Variants in EHMT1 observed in about 807,000 individuals in gnomAD.
The protein encoded by EHMT1 is euchromatic histone lysine methyltransferase 1, also known as histone-lysine N-methyltransferase EHMT1.
EHMT1 carries 15 observed loss-of-function variants against 147.2 expected under a neutral mutation model. That is an observed-to-expected ratio of 0.10 (90% CI 0.07 to 0.16). EHMT1 has a LOEUF of 0.16. Ranked by LOEUF, EHMT1 falls within the 10% of genes least tolerant of loss-of-function variation. EHMT1 has a pLI of 1.00. For missense variants in EHMT1, 1,587 were observed against 1,772.4 expected (o/e 0.90, Z 1.88); for synonymous variants, 795 against 709.6 (o/e 1.12, Z -1.91).
chr9:137,802,855 A>C, intron 18 of EHMT1: 1 of 1,232,052 alleles, frequency 8.1e-7, no homozygotes, highest in Non-Finnish European at 1.0e-6. Context: ...ACTGCGGGTT[A>C]GGATGACGGC....
chr9:137,649,754 G>C (rs144113277), intron 1 of EHMT1, among the ~76,000 whole-genome samples: 1 of 152,200 alleles, frequency 6.6e-6, no homozygotes, highest in Non-Finnish European at 1.5e-5. Flanking sequence ...AAGAGGCAAG[G>C]AAGTGCTCTT....
chr9:137,719,708 G>A (rs546388163), intron 3 of EHMT1, among the ~76,000 whole-genome samples: 2 of 152,324 alleles, frequency 1.3e-5, no homozygotes, highest in African/African-American at 4.8e-5. Flanking sequence ...GGTAAAGTCC[G>A]TGGGGCTTAC....
intron 10 of EHMT1, among the ~76,000 whole-genome samples, chr9:137,774,470 C>T (rs1441510261): frequency 2.9e-4 from 38 of 130,290 alleles, no homozygotes; most frequent in African/African-American, 1.1e-3. Flanking sequence ...GGTGTGGGCA[C>T]GCCTGCCCCC....
chr9:137,777,940 C>T lies in EHMT1; in HGVS notation c.2077C>T (p.Pro693Ser), dbSNP rs765174338. The T allele has an allele frequency of 6.8e-6, 11 of 1,613,744 alleles. No individual in the cohort carries two copies. The East Asian group carries it at 2.2e-4, about 33-fold the overall frequency. ...DKLQGAASHV[P>S]EGFDPTGPAG... ...GCTGCAGGGTGCAGCCTCCCACGTG[C>T]CCGAGGGCTTTGATCCAACGGGACC... Residue 693 changes from proline to serine, a missense_variant, in exon 13 of 27, where the codon CCC (proline) becomes TCC (serine). This residue lies in a region of EHMT1 where 77 missense variants were observed against 79.3 expected (regional missense o/e 0.97). Coordinates refer to ENST00000460843, the MANE Select transcript of EHMT1 (RefSeq NM_024757.5).
chr9:137,815,827 G>A, intron 22 of EHMT1, 120 bp from the exon 23 acceptor site: 2 of 886,782 alleles, frequency 2.3e-6, no homozygotes, highest in South Asian at 2.8e-5. Flanking sequence ...AGTTTGGCCA[G>A]AAACCATCGT....
intron 1 of EHMT1, among the ~76,000 whole-genome samples, chr9:137,677,009 A>G (rs1411757184): frequency 1.3e-5 from 2 of 152,048 alleles, no homozygotes; most frequent in Non-Finnish European, 2.9e-5. Flanking sequence ...TGAACTAAGG[A>G]GCAAAATTCT....
At chr9:137,739,948 A>G (rs1947907154) in intron 4 of EHMT1, among the ~76,000 whole-genome samples, 1 of 152,136 alleles carries the variant, frequency 6.6e-6, no homozygotes, top group Non-Finnish European at 1.5e-5. Context: ...GCCTGGACAT[A>G]GAGCTGGGCC....
At chr9:137,798,226 C>T (rs1271339752) in intron 16 of EHMT1, among the ~76,000 whole-genome samples, 2 of 152,034 alleles carry the variant, frequency 1.3e-5, no homozygotes, top group South Asian at 2.1e-4. Context: ...GTAGCAAGAC[C>T]CTGTCTCTAG....
chr9:137,796,092 C>G (rs550896731), intron 16 of EHMT1, among the ~76,000 whole-genome samples: 1 of 152,338 alleles, frequency 6.6e-6, no homozygotes, highest in Non-Finnish European at 1.5e-5. Flanking sequence ...CCAGCCATGT[C>G]TTCCTGCAGC....
intron 18 of EHMT1, among the ~76,000 whole-genome samples, chr9:137,804,356 A>C (rs1482926207): frequency 6.6e-6 from 1 of 152,132 alleles, no homozygotes; most frequent in Non-Finnish European, 1.5e-5. Flanking sequence ...TTTTCAGTTC[A>C]TTTCATTTCT....
chr9:137,685,566 T>C (rs1217380813), intron 1 of EHMT1, among the ~76,000 whole-genome samples: 12 of 152,248 alleles, frequency 7.9e-5, no homozygotes, highest in Admixed American at 7.9e-4. Context: ...TTTTCAGTTC[T>C]TTGGGGTATA....
At chr9:137,652,803 G>A (rs574744357) in intron 1 of EHMT1, among the ~76,000 whole-genome samples, 4 of 150,932 alleles carry the variant, frequency 2.7e-5, no homozygotes, top group Non-Finnish European at 5.9e-5. Flanking sequence ...TCGGCTCACC[G>A]CAACCTCCGC....
At position 137,705,985 on chromosome 9, in the gene EHMT1, G is replaced by A. The variant is rs574593039; in HGVS notation, c.22-4982G>A. On this transcript the variant is annotated intron_variant, in intron 1 of 26. Coordinates refer to ENST00000460843, the MANE Select transcript of EHMT1 (RefSeq NM_024757.5). Reference sequence around the variant, plus strand: ...TTGCGAGGTGGGGAAGGCCCAGGCCGTTCTTCCTGGAGTGGACCTGGACCC... The same window carrying A: ...TTGCGAGGTGGGGAAGGCCCAGGCCATTCTTCCTGGAGTGGACCTGGACCC... Among the ~76,000 whole-genome samples the A allele has an allele frequency of 5.6e-5, 8 of 144,012 alleles. No individual in the cohort carries two copies. In the South Asian group the frequency reaches 6.5e-4, roughly 12 times the overall value. 94.5% of individuals were successfully genotyped at this position (144,012 alleles called of 152,430 possible).
At chr9:137,638,930 G>A (rs1292174190) in intron 1 of EHMT1, among the ~76,000 whole-genome samples, 1 of 152,144 alleles carries the variant, frequency 6.6e-6, no homozygotes, top group Non-Finnish European at 1.5e-5. Context: ...AGACCACAAG[G>A]CCTACTGACA....
chr9:137,719,383 GCGT>G (rs1945703161), intron 3 of EHMT1, among the ~76,000 whole-genome samples: 1 of 152,024 alleles, frequency 6.6e-6, no homozygotes, highest in Non-Finnish European at 1.5e-5. Flanking sequence ...GGTGGTGGGT[GCGT>G]TGTGGGCCGG....
At chr9:137,717,331 A>G in intron 3 of EHMT1, 149 bp downstream of exon 3, 1 of 1,029,776 alleles carries the variant, frequency 9.7e-7, no homozygotes, top group South Asian at 1.4e-5. Flanking sequence ...GGCCGGGAGC[A>G]GTGGCTTACA....
chr9:137,713,847 G>A (rs1171374409), intron 2 of EHMT1, among the ~76,000 whole-genome samples: 3 of 152,038 alleles, frequency 2.0e-5, no homozygotes, highest in Non-Finnish European at 4.4e-5. Flanking sequence ...CTACTCATGA[G>A]GCTGAGGCAG....
intron 1 of EHMT1, among the ~76,000 whole-genome samples, chr9:137,706,914 G>A (rs533771695): frequency 4.7e-5 from 7 of 149,918 alleles, no homozygotes; most frequent in East Asian, 2.0e-4. Context: ...CTCCGCCCCC[G>A]CCCAGGTTAA....
rs546468286 is a variant in EHMT1 at position 137,716,641 on chromosome 9, C to T, written c.101C>T (p.Ala34Val). Residue 34 changes from alanine (A) to valine (V), a missense_variant, in exon 3 of 27, where the codon GCC becomes GTC. By Grantham distance (64) the Ala-to-Val change is moderately conservative. Around this residue, in one of 7 missense-constraint regions of EHMT1, gnomAD observed 810 missense variants for 673.0 expected, o/e 1.20. Transcript: ENST00000460843. ...TTGTTGGCAGAGACACCTATGGCTG[C>T]CGATGAAGGCTCAGCAGAGAAACAG... ...ELLGEETPMA[A>V]DEGSAEKQAG... is the part of the protein sequence containing the mutation. 5.1e-6 allele frequency: 8 copies of T among 1,571,980 alleles called. No individual in the cohort carries two copies. Among genetic ancestry groups the T allele is most frequent in the Non-Finnish European group, 6.1e-6 (7 of 1,156,884 alleles).
Sources: gnomAD v4.1 joint callset for allele counts (sites outside exome capture counted in the v4.1 genomes callset) on GRCh38, gnomAD v4.1.1 for gene constraint, gnomAD v4.1.1 regional missense constraint, MANE v1.5 for transcripts, NCBI Gene and HGNC (gene_info 2026-07-23, HGNC 2026-07-21) for gene names.